SEMA3A: variants seen among roughly 807,000 people sequenced by gnomAD.
SEMA3A encodes semaphorin-3A.
A neutral mutation model predicts 97.9 loss-of-function variants in SEMA3A; 29 were observed. The ratio of observed to expected loss-of-function variants is 0.30; its 90% CI spans 0.22 to 0.40. The LOEUF is 0.40. Ranked by LOEUF, SEMA3A falls within the 10% of genes least tolerant of loss-of-function variation. The pLI is 1.00. For synonymous variants in SEMA3A, 321 were observed against 323.7 expected, an observed-to-expected ratio of 0.99 and a Z score of 0.09; for missense variants, 763 against 951.3, an observed-to-expected ratio of 0.80 and a Z score of 2.60.
chr7:84,020,035 CTTTTTTTTTT>C (rs781108685), intron 6 of SEMA3A, among the ~76,000 whole-genome samples: 2 of 58,258 alleles, frequency 3.4e-5, no homozygotes, highest in South Asian at 7.2e-4. Context: ...TTTTTTCTTT[CTTTTTTTTTT>C]TTTTTTTTTT....
At chr7:84,085,591 TA>T in intron 4 of SEMA3A, among the ~76,000 whole-genome samples, 1 of 152,070 alleles carries the variant, frequency 6.6e-6, no homozygotes. Context: ...TTTTTGCAAA[TA>T]AAAATGTCTG....
intron 4 of SEMA3A, among the ~76,000 whole-genome samples, chr7:84,090,370 T>C (rs1389534318): frequency 6.6e-6 from 1 of 152,208 alleles, no homozygotes; most frequent in Non-Finnish European, 1.5e-5. Flanking sequence ...TTCTAAAACT[T>C]CTTTATGTAT....
chr7:84,429,017 A>G (rs1804898932), intron 1 of SEMA3A, among the ~76,000 whole-genome samples: 1 of 152,076 alleles, frequency 6.6e-6, no homozygotes, highest in Non-Finnish European at 1.5e-5. Context: ...TCAAGGGTGA[A>G]GTGGAAAACC....
At chr7:84,375,106 G>C (rs1208939747) in intron 1 of SEMA3A, among the ~76,000 whole-genome samples, 1 of 152,028 alleles carries the variant, frequency 6.6e-6, no homozygotes, top group African/African-American at 2.4e-5. Context: ...TACAATCTCT[G>C]CCTCCTTGGT....
chr7:83,959,267 A>C lies in SEMA3A; in HGVS notation c.*2104T>G, dbSNP rs1047683358. 6.6e-6 allele frequency: 1 copy of C among 152,094 alleles called. No homozygotes were observed. The highest frequency in any genetic ancestry group is 1.5e-5 in the Non-Finnish European group (1 of 67,936). The allele number at this position is 152,094 out of a possible 1,614,324, so 9.4% of individuals were successfully genotyped here. On this transcript the variant is annotated 3_prime_UTR_variant, in exon 17 of 17. Transcript: ENST00000265362. ...TAAGATATTTCTGCTATCGCAAATA[A>C]ATTTATTTCAGCTGCAAATTTAGAA...
chr7:84,171,419 T>G (rs1469005124), intron 1 of SEMA3A, among the ~76,000 whole-genome samples: 1 of 152,104 alleles, frequency 6.6e-6, no homozygotes, highest in Non-Finnish European at 1.5e-5. Flanking sequence ...TAGAAATAGG[T>G]GAAGCTTCTG....
At chr7:84,068,215 T>C (rs1393894740) in intron 4 of SEMA3A, among the ~76,000 whole-genome samples, 21 of 145,832 alleles carry the variant, frequency 1.4e-4, no homozygotes, top group Non-Finnish European at 1.9e-4. Context: ...TAGGTGGGAA[T>C]TGAACAATGA....
chr7:83,989,007 T>C (rs1466211466), intron 12 of SEMA3A, among the ~76,000 whole-genome samples: 1 of 152,044 alleles, frequency 6.6e-6, no homozygotes, highest in Admixed American at 6.6e-5. Flanking sequence ...TTGTACAATA[T>C]TGGAATCAAT....
intron 11 of SEMA3A, among the ~76,000 whole-genome samples, chr7:84,003,849 G>T (rs1790554926): frequency 4.8e-5 from 2 of 41,320 alleles, no homozygotes; most frequent in Non-Finnish European, 4.2e-5. Context: ...ATTGATACTT[G>T]CAATTCATTG....
At chr7:84,076,969 T>C (rs1047153155) in intron 4 of SEMA3A, among the ~76,000 whole-genome samples, 4 of 152,264 alleles carry the variant, frequency 2.6e-5, no homozygotes, top group Admixed American at 1.3e-4. Context: ...TCAAACTTCA[T>C]GTAGATTATC....
In SEMA3A at chr7:84,135,185, C is replaced by T. The variant is rs150056110; in HGVS notation, c.113-234G>A. ...AGGTTGGAGTACAATGGCGGGATCT[C>T]GGTTCACCACAACCTCCCGAGTTCA... On this transcript the variant is annotated intron_variant, in intron 1 of 16. Coordinates refer to ENST00000265362, the MANE Select transcript of SEMA3A (RefSeq NM_006080.3). 0.013 allele frequency among the ~76,000 whole-genome samples: 1,966 copies of T among 149,076 alleles called. 46 individuals are homozygous for T. The highest frequency in any genetic ancestry group is 0.046 in the African/African-American group (1,864 of 40,346).
chr7:84,417,306 A>G (rs942582750), intron 1 of SEMA3A, among the ~76,000 whole-genome samples: 17 of 152,234 alleles, frequency 1.1e-4, no homozygotes, highest in African/African-American at 4.1e-4. Context: ...TTAACTTGAT[A>G]AAAACCTTCC....
intron 1 of SEMA3A, among the ~76,000 whole-genome samples, chr7:84,463,308 GC>G (rs1805906306): frequency 7.1e-6 from 1 of 141,538 alleles, no homozygotes; most frequent in Non-Finnish European, 1.5e-5. Flanking sequence ...GAGTGCAGTG[GC>G]GCAATCTCGG....
At chr7:84,001,933 C>G in intron 12 of SEMA3A, 22 bp downstream of exon 12, 1 of 1,555,914 alleles carries the variant, frequency 6.4e-7, no homozygotes. Flanking sequence ...CTTGTTGACA[C>G]TTGAAATTAA....
chr7:83,978,451 G>A (rs997496405), intron 14 of SEMA3A, among the ~76,000 whole-genome samples: 1 of 152,106 alleles, frequency 6.6e-6, no homozygotes, highest in Non-Finnish European at 1.5e-5. Context: ...CCAGGAAGAG[G>A]CTAAAAATGG....
At chr7:84,376,438 TA>T (rs1415705019) in intron 1 of SEMA3A, among the ~76,000 whole-genome samples, 3 of 134,906 alleles carry the variant, frequency 2.2e-5, no homozygotes, top group Non-Finnish European at 4.8e-5. Context: ...CCGTCTCTAC[TA>T]AAAAACACAA....
intron 14 of SEMA3A, among the ~76,000 whole-genome samples, chr7:83,977,936 T>C (rs906036343): frequency 2.0e-5 from 3 of 151,800 alleles, no homozygotes; most frequent in African/African-American, 7.3e-5. Context: ...CCTGAGTAGC[T>C]GGGACTACAG....
At chr7:84,360,436 G>C (rs113356765) in intron 2 of SEMA3A, among the ~76,000 whole-genome samples, 5 of 151,936 alleles carry the variant, frequency 3.3e-5, no homozygotes, top group Non-Finnish European at 4.4e-5. Flanking sequence ...TTTAGTTTCC[G>C]TGTAGTTGAG....
chr7:84,344,019 AAAAAG>A (rs950887321), intron 2 of SEMA3A, among the ~76,000 whole-genome samples: 2 of 152,080 alleles, frequency 1.3e-5, no homozygotes, highest in Non-Finnish European at 2.9e-5. Context: ...GGGAAAAAAA[AAAAAG>A]AAAATTTGTA....
Sources: allele counts gnomAD v4.1 joint callset (sites outside exome capture counted in the v4.1 genomes callset), GRCh38; gene constraint gnomAD v4.1.1; transcripts MANE v1.5; gene names NCBI Gene and HGNC (gene_info 2026-07-23, HGNC 2026-07-21).